The following SLC39A9 variants were observed in gnomAD, a reference collection of about 807,000 sequenced individuals.
SLC39A9 encodes zinc transporter ZIP9.
SLC39A9 carries 14 observed loss-of-function variants against 28.4 expected under a neutral mutation model. That is an observed-to-expected ratio of 0.49 (90% CI 0.33 to 0.77). SLC39A9 has a LOEUF of 0.77. SLC39A9 is among the 30% of genes least tolerant of loss of function. SLC39A9 has a pLI of 0.02. For missense variants in SLC39A9, 283 were observed against 381.1 expected (o/e 0.74, Z 2.14); for synonymous variants, 119 against 149.6 (o/e 0.80, Z 1.49).
chr14:69,412,842 C>A (rs1883348154), intron 1 of SLC39A9, among the ~76,000 whole-genome samples: 2 of 152,128 alleles, frequency 1.3e-5, no homozygotes, highest in Admixed American at 6.6e-5. Context: ...CACTTAATTT[C>A]AAAGTGAACT....
chr14:69,412,368 G>A (rs1277205000), intron 1 of SLC39A9, among the ~76,000 whole-genome samples: 2 of 150,644 alleles, frequency 1.3e-5, no homozygotes, highest in African/African-American at 2.4e-5. Context: ...CAGCCTGGGC[G>A]ACAGAGCAAG....
intron 1 of SLC39A9, among the ~76,000 whole-genome samples, chr14:69,406,848 G>GTTTTTTTTT (rs398025544): frequency 1.5e-4 from 14 of 95,902 alleles, no homozygotes; most frequent in African/African-American, 2.1e-4. Flanking sequence ...GAAATTCTTT[G>GTTTTTTTTT]TTTTTTTTTT....
intron 2 of SLC39A9, among the ~76,000 whole-genome samples, chr14:69,435,984 A>G (rs745534453): frequency 2.0e-5 from 3 of 152,036 alleles, no homozygotes; most frequent in Non-Finnish European, 2.9e-5. Context: ...TTTCCAGTCT[A>G]TTATTGATCT....
chr14:69,416,470 A>C (rs1236712796), intron 1 of SLC39A9, among the ~76,000 whole-genome samples: 3 of 152,174 alleles, frequency 2.0e-5, no homozygotes, highest in Non-Finnish European at 4.4e-5. Context: ...GATTTATAAG[A>C]CTTTGGGTAT....
intron 2 of SLC39A9, among the ~76,000 whole-genome samples, chr14:69,427,426 T>C (rs1453665437): frequency 6.6e-6 from 1 of 152,248 alleles, no homozygotes; most frequent in African/African-American, 2.4e-5. Flanking sequence ...CTAAGTCATT[T>C]AAATTTTTTA....
At chr14:69,414,196 C>T (rs935693184) in intron 1 of SLC39A9, among the ~76,000 whole-genome samples, 10 of 152,104 alleles carry the variant, frequency 6.6e-5, no homozygotes, top group African/African-American at 2.4e-4. Flanking sequence ...TACAGTTGTG[C>T]ACCATCATAC....
At chr14:69,446,812 G>T (rs1035317369) in intron 3 of SLC39A9, among the ~76,000 whole-genome samples, 6 of 149,252 alleles carry the variant, frequency 4.0e-5, no homozygotes, top group Admixed American at 1.4e-4. Context: ...GGCAGAGGTT[G>T]CAGTGAGCCA....
chr14:69,406,802 A>T (rs1882936086), intron 1 of SLC39A9, among the ~76,000 whole-genome samples: 1 of 149,722 alleles, frequency 6.7e-6, no homozygotes, highest in South Asian at 2.1e-4. Flanking sequence ...TTTTTAACTT[A>T]TTGAAATAAA....
Position 69,458,349 on chromosome 14 carries a change from C to T in SLC39A9, c.694-14C>T, listed in dbSNP as rs8022178. On this transcript the variant is annotated splice_polypyrimidine_tract_variant and intron_variant, in intron 6 of 6. Coordinates refer to ENST00000336643, the MANE Select transcript of SLC39A9 (RefSeq NM_018375.5). ...TTGACTTAGTTTTTCCTCTTTCTCTCTTCTAATTCACAGAGCAGTAAAGAA... is the reference window on the plus strand; with the variant it reads ...TTGACTTAGTTTTTCCTCTTTCTCTTTTCTAATTCACAGAGCAGTAAAGAA... 17,237 of 1,612,240 alleles carry T rather than the reference C, an allele frequency of 0.011. 206 individuals are homozygous for T. Among genetic ancestry groups the T allele is most frequent in the East Asian group, 0.024 (1,064 of 44,866 alleles).
intron 1 of SLC39A9, among the ~76,000 whole-genome samples, chr14:69,411,433 G>A (rs904834416): frequency 2.6e-5 from 4 of 152,112 alleles, no homozygotes; most frequent in Non-Finnish European, 5.9e-5. Flanking sequence ...GTTCAGTCAG[G>A]CTGCAACTGT....
chr14:69,419,449 A>T (rs553738934), intron 1 of SLC39A9, among the ~76,000 whole-genome samples: 1 of 152,102 alleles, frequency 6.6e-6, no homozygotes, highest in Admixed American at 6.6e-5. Flanking sequence ...GATAAGTGCA[A>T]TGTGGTGCTG....
At chr14:69,400,867 A>C (rs1882593201) in intron 1 of SLC39A9, among the ~76,000 whole-genome samples, 1 of 151,568 alleles carries the variant, frequency 6.6e-6, no homozygotes, top group African/African-American at 2.4e-5. Context: ...CACTTAAAAA[A>C]CTCAAGCTGG....
At chr14:69,411,724 G>A (rs72723830) in intron 1 of SLC39A9, among the ~76,000 whole-genome samples, 28,481 of 151,752 alleles carry the variant, frequency 0.19, 2,800 homozygotes, top group South Asian at 0.26. Flanking sequence ...AATACATGAA[G>A]CCACAATTCT....
At chr14:69,438,062 C>G (rs183253475) in intron 2 of SLC39A9, among the ~76,000 whole-genome samples, 8 of 150,104 alleles carry the variant, frequency 5.3e-5, no homozygotes, top group African/African-American at 1.7e-4. Context: ...GCTCTTGTCA[C>G]CCAGGCTGGA....
chr14:69,457,009 A>T (rs1885893764), intron 6 of SLC39A9, among the ~76,000 whole-genome samples: 1 of 152,022 alleles, frequency 6.6e-6, no homozygotes, highest in Admixed American at 6.5e-5. Flanking sequence ...CAGTTTTTTA[A>T]CCTTTTGACA....
At chr14:69,411,926 GCACA>G (rs1420785566) in intron 1 of SLC39A9, among the ~76,000 whole-genome samples, 7 of 151,636 alleles carry the variant, frequency 4.6e-5, no homozygotes, top group Admixed American at 4.6e-4. Flanking sequence ...GGGACTACAG[GCACA>G]TGCCACCATG....
chr14:69,440,828 C>T (rs773241684), intron 2 of SLC39A9, among the ~76,000 whole-genome samples: 16 of 152,256 alleles, frequency 1.1e-4, no homozygotes, highest in East Asian at 3.9e-4. Context: ...CACGCGCCAC[C>T]GTGCCCAGCT....
chr14:69,461,613 T>C lies in SLC39A9; in HGVS notation c.*3020T>C. On this transcript the variant is annotated 3_prime_UTR_variant, in exon 7 of 7. Coordinates refer to ENST00000336643, the MANE Select transcript of SLC39A9 (RefSeq NM_018375.5). ...GTGGCTGTTTTGAGTTGTCCTTTCT[T>C]TGCAGAAAGGAGAAAATGTGATTGT... 6.5e-7 allele frequency: 1 copy of C among 1,528,260 alleles called. No homozygotes were observed. The highest frequency in any genetic ancestry group is 8.7e-7 in the Non-Finnish European group (1 of 1,143,714). The allele number at this position is 1,528,260 out of a possible 1,614,324, so 94.7% of individuals were successfully genotyped here.
At chr14:69,445,525 A>G (rs1885253914) in intron 3 of SLC39A9, among the ~76,000 whole-genome samples, 2 of 152,212 alleles carry the variant, frequency 1.3e-5, no homozygotes, top group African/African-American at 4.8e-5. Flanking sequence ...CTTCTGATCA[A>G]CAGTAGGCTA....
Sources: allele counts gnomAD v4.1 joint callset (sites outside exome capture counted in the v4.1 genomes callset), GRCh38; gene constraint gnomAD v4.1.1; transcripts MANE v1.5; gene names NCBI Gene and HGNC (gene_info 2026-07-23, HGNC 2026-07-21).